TTC3: variants seen among roughly 807,000 people sequenced by gnomAD.
TTC3 encodes the protein E3 ubiquitin-protein ligase TTC3.
In TTC3, 180 loss-of-function variants were observed where a neutral mutation model predicts 249.6. That is an observed-to-expected ratio of 0.72 (90% CI 0.64 to 0.82). The LOEUF is 0.82. Ranked by LOEUF, TTC3 falls within the 40% of genes least tolerant of loss-of-function variation. The probability of loss-of-function intolerance (pLI) is 0.00; values close to 1 mark genes in which losing one functional copy is unlikely to be tolerated. For missense variants in TTC3, 2,061 were observed against 2,398.4 expected (o/e 0.86, Z 2.94); for synonymous variants, 717 against 805.0 (o/e 0.89, Z 1.85).
At chr21:37,102,355 G>A (rs929628062) in intron 10 of TTC3, among the ~76,000 whole-genome samples, 1 of 152,124 alleles carries the variant, frequency 6.6e-6, no homozygotes, top group African/African-American at 2.4e-5. Context: ...TCCCTTATAT[G>A]GCTTGCAAAA....
At chr21:37,144,396 T>A (rs1424836307) in intron 20 of TTC3, 129 bp from the exon 21 acceptor site, 1 of 1,109,160 alleles carries the variant, frequency 9.0e-7, no homozygotes, top group Non-Finnish European at 1.3e-6. Flanking sequence ...TTAGGTTACA[T>A]TGAATATTGC....
At chr21:37,142,127 A>G (rs957241340) in intron 20 of TTC3, among the ~76,000 whole-genome samples, 4 of 152,200 alleles carry the variant, frequency 2.6e-5, no homozygotes, top group Non-Finnish European at 5.9e-5. Context: ...ATTTATGACA[A>G]ACCCACAGCC....
intron 1 of TTC3, among the ~76,000 whole-genome samples, chr21:37,084,991 T>TCAAA (rs71328551): frequency 0.1 from 15,148 of 151,390 alleles, 1,090 homozygotes; most frequent in East Asian, 0.26. Context: ...AGACTGTGTC[T>TCAAA]CAAACAAACA....
rs780414476 is a variant in TTC3, at chr21:37,164,228, A to G, written c.3335+13A>G. 2 of 1,551,420 alleles carry G rather than the reference A, an allele frequency of 1.3e-6. No individual in the cohort carries two copies. Among genetic ancestry groups the G allele is most frequent in the African/African-American group, 2.8e-5 (2 of 72,066 alleles). On this transcript the variant is annotated intron_variant, in intron 32 of 45. Transcript: ENST00000355666. ...CAACTCTATATGAGTAAGTGGGTTGAAATTTTTACAACCATTATTTTATAC... is the reference window on the plus strand; with the variant it reads ...CAACTCTATATGAGTAAGTGGGTTGGAATTTTTACAACCATTATTTTATAC...
intron 11 of TTC3, among the ~76,000 whole-genome samples, chr21:37,112,809 C>G (rs978024209): frequency 6.6e-6 from 1 of 152,066 alleles, no homozygotes; most frequent in Non-Finnish European, 1.5e-5. Context: ...ACTGGCAAAC[C>G]GAATCCAGCA....
intron 11 of TTC3, among the ~76,000 whole-genome samples, chr21:37,110,424 T>G (rs965038532): frequency 6.6e-6 from 1 of 151,388 alleles, no homozygotes; most frequent in African/African-American, 2.4e-5. Context: ...CAAACCTCAG[T>G]AACCGATGCG....
At chr21:37,169,718 G>A (rs1266678194) in intron 34 of TTC3, among the ~76,000 whole-genome samples, 2 of 141,390 alleles carry the variant, frequency 1.4e-5, no homozygotes, top group African/African-American at 5.3e-5. Flanking sequence ...CGTGGTGGTG[G>A]ACACCTGTAA....
intron 31 of TTC3, 63 bp downstream of exon 31, chr21:37,162,126 G>A: frequency 9.4e-7 from 1 of 1,066,872 alleles, no homozygotes. Flanking sequence ...AATAAGTTGT[G>A]TTAATTTAAT....
intron 6 of TTC3, chr21:37,090,672 A>T (rs1158554115): frequency 6.7e-6 from 2 of 299,278 alleles, no homozygotes; most frequent in African/African-American, 4.5e-5. Flanking sequence ...TGATGCCATA[A>T]ACATCTATGT....
At chr21:37,104,869 T>C (rs1230988390) in intron 10 of TTC3, among the ~76,000 whole-genome samples, 1 of 152,182 alleles carries the variant, frequency 6.6e-6, no homozygotes, top group Non-Finnish European at 1.5e-5. Flanking sequence ...AGCTTGGGCA[T>C]TGGGCTTCTA....
chr21:37,135,146 C>T (rs895743010), intron 17 of TTC3, among the ~76,000 whole-genome samples: 1 of 152,274 alleles, frequency 6.6e-6, no homozygotes, highest in African/African-American at 2.4e-5. Flanking sequence ...AAATGAGCCA[C>T]CTTTGTCACA....
At chr21:37,167,591 G>A in exon 34 of TTC3, 1 of 1,610,278 alleles carries the variant, frequency 6.2e-7, no homozygotes, top group Admixed American at 1.7e-5. Context: ...AGTCAATACT[G>A]AGCCATATAA....
At chr21:37,201,342 C>G (rs2085479955) in intron 45 of TTC3, 98 bp from the exon 46 acceptor site, 5 of 1,508,472 alleles carry the variant, frequency 3.3e-6, no homozygotes, top group Middle Eastern at 2.4e-4. Flanking sequence ...AGACCAAGGG[C>G]AAGTGAGCCA....
intron 10 of TTC3, among the ~76,000 whole-genome samples, chr21:37,099,634 G>A (rs1243202477): frequency 6.6e-6 from 1 of 152,214 alleles, no homozygotes; most frequent in East Asian, 1.9e-4. Flanking sequence ...ATGGACAAAA[G>A]CTTAAAAATC....
intron 11 of TTC3, among the ~76,000 whole-genome samples, chr21:37,111,431 C>G (rs1723550903): frequency 6.6e-6 from 1 of 152,048 alleles, no homozygotes; most frequent in African/African-American, 2.4e-5. Context: ...GACTTTAAAC[C>G]AACAAAGATC....
intron 10 of TTC3, chr21:37,100,774 C>T (rs932820711): frequency 6.6e-6 from 1 of 152,252 alleles, no homozygotes; most frequent in Non-Finnish European, 1.5e-5. Context: ...TATCCCAGGA[C>T]ACCTGGCTTA....
intron 41 of TTC3, among the ~76,000 whole-genome samples, chr21:37,192,713 A>G (rs1038927198): frequency 8.5e-5 from 13 of 152,232 alleles, no homozygotes; most frequent in Admixed American, 7.2e-4. Flanking sequence ...AAAAGCTGCT[A>G]TGCCTGAGGC....
chr21:37,090,791 G>A (rs2073166444), intron 6 of TTC3, among the ~76,000 whole-genome samples: 1 of 152,148 alleles, frequency 6.6e-6, no homozygotes, highest in Admixed American at 6.5e-5. Flanking sequence ...ACTGCACTGA[G>A]TGCCCATTTG....
intron 11 of TTC3, among the ~76,000 whole-genome samples, chr21:37,120,072 C>A (rs1252627047): frequency 6.6e-6 from 1 of 152,178 alleles, no homozygotes; most frequent in East Asian, 1.9e-4. Context: ...TACAGCCACA[C>A]TTCCACCGTG....
Sources: gnomAD v4.1 joint callset for allele counts (sites outside exome capture counted in the v4.1 genomes callset) on GRCh38, gnomAD v4.1.1 for gene constraint, MANE v1.5 for transcripts, NCBI Gene and HGNC (gene_info 2026-07-23, HGNC 2026-07-21) for gene names.